NUP210L: variants seen among roughly 807,000 people sequenced by gnomAD.
The protein encoded by NUP210L is nuclear pore membrane glycoprotein 210-like.
A neutral mutation model predicts 208.5 loss-of-function variants in NUP210L; 74 were observed. The ratio of observed to expected loss-of-function variants is 0.35; its 90% CI spans 0.29 to 0.43. The LOEUF is 0.43. Among genes scored for constraint, NUP210L ranks in the 20% least tolerant of loss-of-function variants. The probability of loss-of-function intolerance (pLI) is 1.00; values close to 1 mark genes in which losing one functional copy is unlikely to be tolerated. For synonymous variants in NUP210L, 780 were observed against 816.9 expected (o/e 0.95, Z 0.77); for missense variants, 1,843 against 2,289.4 (o/e 0.81, Z 3.98).
intron 12 of NUP210L, among the ~76,000 whole-genome samples, chr1:154,106,444 A>C (rs1656767118): frequency 6.6e-6 from 1 of 152,114 alleles, no homozygotes; most frequent in African/African-American, 2.4e-5. Context: ...CCCATCCTGA[A>C]ACGAAGGCCA....
intron 15 of NUP210L, among the ~76,000 whole-genome samples, chr1:154,091,228 T>C (rs1439496747): frequency 1.3e-5 from 2 of 151,596 alleles, no homozygotes; most frequent in African/African-American, 4.8e-5. Context: ...CCTGAGTAGC[T>C]AAGACTACAG....
chr1:154,037,438 C>T (rs1463192466), intron 27 of NUP210L, among the ~76,000 whole-genome samples: 1 of 151,660 alleles, frequency 6.6e-6, no homozygotes, highest in Non-Finnish European at 1.5e-5. Flanking sequence ...ATATAATGAC[C>T]TTCATCTCTT....
intron 17 of NUP210L, among the ~76,000 whole-genome samples, chr1:154,066,028 G>A (rs1268524580): frequency 4.6e-5 from 7 of 151,826 alleles, no homozygotes; most frequent in African/African-American, 2.4e-5. Context: ...AATGACTACC[G>A]GGTAAACAAC....
chr1:154,028,718 A>G (rs530059398), intron 28 of NUP210L, among the ~76,000 whole-genome samples: 2 of 152,248 alleles, frequency 1.3e-5, no homozygotes, highest in South Asian at 4.1e-4. Context: ...TGGGGAGTTG[A>G]AGGGAGTGTG....
exon 5 of NUP210L, chr1:154,139,882 G>T (rs752458020): frequency 1.2e-6 from 2 of 1,612,434 alleles, no homozygotes; most frequent in South Asian, 2.2e-5. Flanking sequence ...ACATCTCCTT[G>T]TTTCTCCTCT....
chr1:154,056,669 C>A, intron 23 of NUP210L, 146 bp downstream of exon 23: 1 of 711,736 alleles, frequency 1.4e-6, no homozygotes, highest in Non-Finnish European at 2.2e-6. Context: ...GATGTTCCCA[C>A]CTCAGCCTCC....
chr1:154,155,035 A>G (rs1659642023), exon 1 of NUP210L: 3 of 1,606,558 alleles, frequency 1.9e-6, no homozygotes, highest in Non-Finnish European at 2.5e-6. Flanking sequence ...GACGCCGGAC[A>G]GCCAGTCATG....
At chr1:154,110,972 A>T (rs1042486454) in intron 12 of NUP210L, among the ~76,000 whole-genome samples, 1 of 151,574 alleles carries the variant, frequency 6.6e-6, no homozygotes, top group South Asian at 2.1e-4. Context: ...TAAATGAAAT[A>T]AAAAAATACA....
At chr1:153,996,473 G>A (rs1177749659) in intron 37 of NUP210L, among the ~76,000 whole-genome samples, 2 of 152,120 alleles carry the variant, frequency 1.3e-5, no homozygotes, top group Non-Finnish European at 2.9e-5. Context: ...CCAGGCTGGA[G>A]TGCAGTGGCA....
chr1:154,146,556 TG>T lies in NUP210L; in HGVS notation c.341-2980del, dbSNP rs1439869674. On this transcript the variant is annotated intron_variant, in intron 2 of 39. Transcript: ENST00000368559. Reference sequence around the variant, plus strand: ...CTGAGGTGGAAGAATCGCTTGAGCCTGGGTGGTCAAGGCTGCAGTGAGCTGA... The same window carrying T: ...CTGAGGTGGAAGAATCGCTTGAGCCTGGTGGTCAAGGCTGCAGTGAGCTGA... 1.3e-4 allele frequency among the ~76,000 whole-genome samples: 20 copies of T among 150,630 alleles called. No individual in the cohort carries two copies. In the East Asian group the frequency reaches 3.5e-3, roughly 27 times the overall value.
At chr1:154,065,067 T>G (rs1654328841) in intron 17 of NUP210L, among the ~76,000 whole-genome samples, 1 of 147,962 alleles carries the variant, frequency 6.8e-6, no homozygotes, top group Admixed American at 6.9e-5. Context: ...CAGAGCGAGA[T>G]TCCATCTCAG....
chr1:154,017,829 T>C (rs1017360566), intron 33 of NUP210L, among the ~76,000 whole-genome samples: 4 of 152,134 alleles, frequency 2.6e-5, no homozygotes, highest in Non-Finnish European at 5.9e-5. Flanking sequence ...TTGTTTCTTA[T>C]AAGTCTTTCT....
intron 7 of NUP210L, among the ~76,000 whole-genome samples, chr1:154,131,772 C>T (rs1483115831): frequency 6.6e-6 from 1 of 151,954 alleles, no homozygotes; most frequent in Non-Finnish European, 1.5e-5. Context: ...TCAGGAAACT[C>T]CTCTTTCTGG....
At chr1:154,139,927 A>G in exon 5 of NUP210L, 1 of 1,611,190 alleles carries the variant, frequency 6.2e-7, no homozygotes, top group South Asian at 1.1e-5. Context: ...GGGGGAGCAT[A>G]TTCTGCTTCG....
chr1:154,064,775 T>C (rs1654314050), intron 17 of NUP210L, among the ~76,000 whole-genome samples: 1 of 152,146 alleles, frequency 6.6e-6, no homozygotes, highest in Non-Finnish European at 1.5e-5. Context: ...AGTCAATACA[T>C]TTTAAAATTG....
At chr1:154,074,774 C>A (rs1357110485) in intron 16 of NUP210L, among the ~76,000 whole-genome samples, 1 of 152,194 alleles carries the variant, frequency 6.6e-6, no homozygotes, top group Non-Finnish European at 1.5e-5. Context: ...CAGGCGTAAG[C>A]CACCGCACCC....
chr1:154,060,560 C>G (rs1368871963), exon 20 of NUP210L: 1 of 1,612,128 alleles, frequency 6.2e-7, no homozygotes, highest in Non-Finnish European at 8.5e-7. Flanking sequence ...CTTTCTGCTT[C>G]CATGTAAGTG....
chr1:154,032,988 G>GAAAAGAA (rs1553225005), intron 27 of NUP210L, among the ~76,000 whole-genome samples: 3 of 124,444 alleles, frequency 2.4e-5, no homozygotes, highest in African/African-American at 8.6e-5. Flanking sequence ...GAAAAGAAAA[G>GAAAAGAA]AAAAGAAAGA....
intron 27 of NUP210L, among the ~76,000 whole-genome samples, chr1:154,043,463 C>T (rs1479576144): frequency 6.6e-6 from 1 of 151,458 alleles, no homozygotes; most frequent in Non-Finnish European, 1.5e-5. Context: ...TACAGGCATG[C>T]GCCACCACAC....
Sources: gnomAD v4.1 joint callset for allele counts (sites outside exome capture counted in the v4.1 genomes callset) on GRCh38, gnomAD v4.1.1 for gene constraint, MANE v1.5 for transcripts, NCBI Gene and HGNC (gene_info 2026-07-23, HGNC 2026-07-21) for gene names.